HS3ST5: variants seen among roughly 807,000 people sequenced by gnomAD.
The protein encoded by HS3ST5 is heparan sulfate-glucosamine 3-sulfotransferase 5.
In HS3ST5, 10 loss-of-function variants were observed where a neutral mutation model predicts 25.4. That is an observed-to-expected ratio of 0.39 (90% CI 0.24 to 0.67). HS3ST5 has a LOEUF of 0.67. Ranked by LOEUF, HS3ST5 falls within the 30% of genes least tolerant of loss-of-function variation. The pLI is 0.44. For missense variants in HS3ST5, 324 were observed against 420.7 expected (o/e 0.77, Z 2.01); for synonymous variants, 170 against 162.4 (o/e 1.05, Z -0.36).
intron 1 of HS3ST5, among the ~76,000 whole-genome samples, chr6:114,316,242 G>A (rs1775742460): frequency 6.6e-6 from 1 of 152,186 alleles, no homozygotes; most frequent in South Asian, 2.1e-4. Flanking sequence ...TTAGTAGTCT[G>A]TCTGTGTATA....
intron 3 of HS3ST5, chr6:114,143,626 C>T (rs1562213885): frequency 6.6e-6 from 1 of 152,148 alleles, no homozygotes; most frequent in Non-Finnish European, 1.5e-5. Flanking sequence ...CAGGAGCCAT[C>T]AGAAGAAATT....
At chr6:114,338,316 TATATACATAC>T (rs1776690594) in intron 1 of HS3ST5, among the ~76,000 whole-genome samples, 1 of 151,678 alleles carries the variant, frequency 6.6e-6, no homozygotes, top group African/African-American at 2.4e-5. Flanking sequence ...ATTGTGTATA[TATATACATAC>T]ATATACATAA....
intron 3 of HS3ST5, among the ~76,000 whole-genome samples, chr6:114,092,919 C>G (rs1026637406): frequency 1.3e-5 from 2 of 152,078 alleles, no homozygotes; most frequent in Non-Finnish European, 2.9e-5. Context: ...AGGTGATCCA[C>G]CCACCTTGGC....
At chr6:114,219,175 A>G (rs11153473) in intron 2 of HS3ST5, among the ~76,000 whole-genome samples, 20,645 of 152,240 alleles carry the variant, frequency 0.14, 1,617 homozygotes, top group Non-Finnish European at 0.18. Context: ...TTTGGATATT[A>G]TATTACACTA....
intron 3 of HS3ST5, among the ~76,000 whole-genome samples, chr6:114,152,740 TGTAA>T (rs2114964036): frequency 6.6e-6 from 1 of 152,266 alleles, no homozygotes; most frequent in East Asian, 1.9e-4. Context: ...AACCTCCCAG[TGTAA>T]GTGCGATCCC....
At chr6:114,189,879 C>T (rs1012393578) in intron 2 of HS3ST5, among the ~76,000 whole-genome samples, 7 of 152,148 alleles carry the variant, frequency 4.6e-5, no homozygotes, top group Non-Finnish European at 7.4e-5. Flanking sequence ...TGCTCTCATT[C>T]CAGGGTGATC....
At chr6:114,155,763 G>A (rs773880741) in intron 3 of HS3ST5, among the ~76,000 whole-genome samples, 19 of 152,250 alleles carry the variant, frequency 1.2e-4, no homozygotes, top group Non-Finnish European at 2.1e-4. Flanking sequence ...CAAACGTCAC[G>A]TACTGACCTG....
chr6:114,183,584 C>CAGA (rs1277956667), intron 2 of HS3ST5, among the ~76,000 whole-genome samples: 3 of 152,134 alleles, frequency 2.0e-5, no homozygotes, highest in Non-Finnish European at 4.4e-5. Flanking sequence ...CTGACTAACA[C>CAGA]AGAAACTGGT....
At chr6:114,186,599 T>C (rs115585928) in intron 2 of HS3ST5, among the ~76,000 whole-genome samples, 136 of 152,268 alleles carry the variant, frequency 8.9e-4, no homozygotes, top group African/African-American at 2.6e-3. Flanking sequence ...TAACATAAAA[T>C]TCAAGGTGAA....
chr6:114,162,685 A>G (rs1779028988), intron 3 of HS3ST5, among the ~76,000 whole-genome samples: 1 of 152,136 alleles, frequency 6.6e-6, no homozygotes, highest in East Asian at 1.9e-4. Context: ...TCCCTTGCAC[A>G]AACCTTCAGA....
At chr6:114,066,379 G>T (rs1773447057) in intron 3 of HS3ST5, among the ~76,000 whole-genome samples, 1 of 152,182 alleles carries the variant, frequency 6.6e-6, no homozygotes, top group African/African-American at 2.4e-5. Flanking sequence ...AACAGGCTGG[G>T]CATGGTGGCT....
At chr6:114,302,996 A>G (rs1398951277) in intron 1 of HS3ST5, among the ~76,000 whole-genome samples, 1 of 152,136 alleles carries the variant, frequency 6.6e-6, no homozygotes, top group Non-Finnish European at 1.5e-5. Flanking sequence ...AAACTCAAAA[A>G]AGTTTAATTT....
At chr6:114,330,423 T>C (rs1431116655) in intron 1 of HS3ST5, among the ~76,000 whole-genome samples, 1 of 152,172 alleles carries the variant, frequency 6.6e-6, no homozygotes, top group Non-Finnish European at 1.5e-5. Context: ...TCTGAGCTAT[T>C]ATCATGATAT....
At position 114,057,132 on chromosome 6, in the gene HS3ST5, C is replaced by A; in HGVS notation, c.*125G>T. ...TGATCTTATATTTGGTCACACACTG[C>A]GTATGTACAAATATACATGGAAAAA... On this transcript the variant is annotated 3_prime_UTR_variant, in exon 5 of 5. Coordinates refer to ENST00000312719, the MANE Select transcript of HS3ST5 (RefSeq NM_153612.4). 1.4e-6 allele frequency: 1 copy of A among 694,364 alleles called. No homozygotes were observed. Among genetic ancestry groups the A allele is most frequent in the Non-Finnish European group, 2.4e-6 (1 of 410,174 alleles). 43.0% of individuals were successfully genotyped at this position (694,364 alleles called of 1,614,324 possible).
In HS3ST5 at chr6:114,135,110, T is replaced by C. The variant is rs367847370; in HGVS notation, c.-33+33241A>G. The stretch of plus-strand genomic sequence containing the variant: ...ACATACAGAGGCCTAAACTGGCAAA[T>C]AGATAATGTGGAGAGGACACCATGA... On this transcript the variant is annotated intron_variant, in intron 3 of 4. Coordinates refer to ENST00000312719, the MANE Select transcript of HS3ST5 (RefSeq NM_153612.4). Among the ~76,000 whole-genome samples, 47 of 152,216 alleles carry C rather than the reference T, an allele frequency of 3.1e-4. No homozygotes were observed. In the South Asian group the frequency reaches 8.5e-3, roughly 28 times the overall value.
At chr6:114,225,966 G>A (rs879838863) in intron 2 of HS3ST5, among the ~76,000 whole-genome samples, 1 of 151,768 alleles carries the variant, frequency 6.6e-6, no homozygotes, top group Non-Finnish European at 1.5e-5. Context: ...GCAGAATTTG[G>A]CCCTAAAAAC....
intron 2 of HS3ST5, among the ~76,000 whole-genome samples, chr6:114,193,738 C>A (rs1481448229): frequency 6.6e-6 from 1 of 152,100 alleles, no homozygotes; most frequent in East Asian, 1.9e-4. Context: ...AAGACAACTA[C>A]TTCTTGAGTA....
At chr6:114,310,481 C>CA (rs1438443947) in intron 1 of HS3ST5, among the ~76,000 whole-genome samples, 1 of 151,670 alleles carries the variant, frequency 6.6e-6, no homozygotes, top group Non-Finnish European at 1.5e-5. Context: ...GCAAAAACTT[C>CA]AAAAACGTTT....
At chr6:114,203,075 T>G (rs1420932809) in intron 2 of HS3ST5, among the ~76,000 whole-genome samples, 1 of 152,236 alleles carries the variant, frequency 6.6e-6, no homozygotes, top group Non-Finnish European at 1.5e-5. Flanking sequence ...ATTAATACTT[T>G]GTACATTTGT....
Sources: allele counts gnomAD v4.1 joint callset (sites outside exome capture counted in the v4.1 genomes callset), GRCh38; gene constraint gnomAD v4.1.1; transcripts MANE v1.5; gene names NCBI Gene and HGNC (gene_info 2026-07-23, HGNC 2026-07-21).